SYNJ2: variants seen among roughly 807,000 people sequenced by gnomAD.
The protein encoded by SYNJ2 is synaptojanin 2, also known as polyphosphatidylinositol phosphatase SYNJ2.
A neutral mutation model predicts 141.3 loss-of-function variants in SYNJ2; 116 were observed. The observed-to-expected ratio is 0.82, with a 90% CI of 0.71 to 0.96. The LOEUF is 0.96. Ranked by LOEUF, SYNJ2 falls within the 40% of genes least tolerant of loss-of-function variation. The pLI is 0.00. For synonymous variants in SYNJ2, 745 were observed against 777.7 expected (o/e 0.96, Z 0.70); for missense variants, 1,873 against 1,934.8 (o/e 0.97, Z 0.60).
At position 158,069,597 on chromosome 6, in the gene SYNJ2, A is replaced by G; in HGVS notation, c.1864A>G (p.Ile622Val). ...AGCCATCTCACGCTCTCATAGATAC[A>G]TTCTGTTGACTTCGGCACAGCTGGT... ...QKAISRSHRY[I>V]LLTSAQLVGV... Residue 622 changes from isoleucine to valine, a missense_variant, in exon 14 of 27, where the codon ATT becomes GTT. Coordinates refer to ENST00000355585, the MANE Select transcript of SYNJ2 (RefSeq NM_003898.4). The G allele has an allele frequency of 6.2e-7, 1 of 1,614,046 alleles. No homozygotes were observed. Among genetic ancestry groups the G allele is most frequent in the Non-Finnish European group, 8.5e-7 (1 of 1,179,970 alleles).
At chr6:158,066,817 T>G in intron 12 of SYNJ2, 182 bp downstream of exon 12, 1 of 679,040 alleles carries the variant, frequency 1.5e-6, no homozygotes, top group Non-Finnish European at 2.5e-6. Context: ...ACTGACCTTT[T>G]TCCTTTCCCA....
At chr6:157,995,204 A>G (rs2128317194) in intron 1 of SYNJ2, among the ~76,000 whole-genome samples, 1 of 152,350 alleles carries the variant, frequency 6.6e-6, no homozygotes, top group South Asian at 2.1e-4. Context: ...CCAGACTTCT[A>G]GGGCCTTTGA....
chr6:158,058,559 A>G (rs1440121624), intron 6 of SYNJ2, among the ~76,000 whole-genome samples: 2 of 152,190 alleles, frequency 1.3e-5, no homozygotes, highest in Non-Finnish European at 2.9e-5. Context: ...CTCTCCTGCC[A>G]GTTGTTCTAG....
chr6:158,049,828 C>T (rs1036666794), intron 5 of SYNJ2, among the ~76,000 whole-genome samples: 3 of 89,256 alleles, frequency 3.4e-5, no homozygotes, highest in African/African-American at 8.9e-5. Context: ...CTGCAGGTGT[C>T]GACATGCCTC....
chr6:158,066,653 G>A lies in SYNJ2; in HGVS notation c.1717+18G>A. 1 of 1,610,966 alleles carries A rather than the reference G, an allele frequency of 6.2e-7. No individual in the cohort carries two copies. Among genetic ancestry groups the A allele is most frequent in the Non-Finnish European group, 8.5e-7 (1 of 1,179,378 alleles). On this transcript the variant is annotated intron_variant, in intron 12 of 26. Coordinates refer to ENST00000355585, the MANE Select transcript of SYNJ2 (RefSeq NM_003898.4). The stretch of plus-strand genomic sequence containing the variant: ...CTCCCAGGGTGAGGGCAGTGACTTT[G>A]GGGGAGACAAAATCCAATTGCACCT...
chr6:158,047,104 CA>C (rs1391461640), intron 5 of SYNJ2, among the ~76,000 whole-genome samples: 1 of 151,930 alleles, frequency 6.6e-6, no homozygotes, highest in Non-Finnish European at 1.5e-5. Context: ...TCCTTTTTTC[CA>C]AAAAGGACAT....
chr6:157,987,238 C>T (rs929637776), intron 1 of SYNJ2, among the ~76,000 whole-genome samples: 2 of 152,124 alleles, frequency 1.3e-5, no homozygotes, highest in African/African-American at 2.4e-5. Context: ...CCACCCGCTT[C>T]GGCCTCCCAA....
intron 8 of SYNJ2, 164 bp downstream of exon 8, chr6:158,062,328 G>C (rs1562370264): frequency 2.5e-6 from 2 of 811,680 alleles, no homozygotes; most frequent in Non-Finnish European, 1.5e-6. Flanking sequence ...TCCCCACTCA[G>C]TTACCCTTGT....
intron 1 of SYNJ2, among the ~76,000 whole-genome samples, chr6:157,985,344 C>A (rs1331910913): frequency 6.6e-6 from 1 of 152,234 alleles, no homozygotes; most frequent in African/African-American, 2.4e-5. Context: ...CAAATTCCTG[C>A]TTCTAAAAGA....
intron 4 of SYNJ2, among the ~76,000 whole-genome samples, chr6:158,039,269 A>G (rs991043735): frequency 6.6e-6 from 1 of 152,264 alleles, no homozygotes; most frequent in African/African-American, 2.4e-5. Context: ...CACAGTTAGT[A>G]TGCTCCTGCG....
chr6:158,034,516 T>C (rs1226274965), intron 4 of SYNJ2, among the ~76,000 whole-genome samples: 4 of 152,194 alleles, frequency 2.6e-5, no homozygotes, highest in Non-Finnish European at 5.9e-5. Context: ...ACCTTTACTG[T>C]GTGGGACTTT....
chr6:158,018,647 T>C (rs1396231516), intron 2 of SYNJ2, among the ~76,000 whole-genome samples: 2 of 152,250 alleles, frequency 1.3e-5, no homozygotes, highest in East Asian at 1.9e-4. Flanking sequence ...AGTACCCACA[T>C]GACAAAGTGC....
Position 157,982,785 on chromosome 6 carries a change from A to G in SYNJ2, c.127+697A>G, listed in dbSNP as rs899880228. Among the ~76,000 whole-genome samples, 16 of 152,250 alleles carry G rather than the reference A, an allele frequency of 1.1e-4. No individual in the cohort carries two copies. The highest frequency in any genetic ancestry group is 3.6e-4 in the African/African-American group (15 of 41,470). ...AAAGCTATTATTATCCCCATTTTGC[A>G]GATGAGCAAACTGAGGCCTAAAGAG... On this transcript the variant is annotated intron_variant, in intron 1 of 26. Coordinates refer to ENST00000355585, the MANE Select transcript of SYNJ2 (RefSeq NM_003898.4). This position sits in a 1 kb window ranked among gnomAD's most constrained non-coding sequence, Gnocchi z 4.0.
In SYNJ2 at chr6:158,040,305, TATGTGTGCA is replaced by T. The variant is rs1392599693; in HGVS notation, c.712-3010_712-3002del. Among the ~76,000 whole-genome samples the T allele has an allele frequency of 1.3e-5, 2 of 152,122 alleles. No homozygotes were observed. Among genetic ancestry groups the T allele is most frequent in the Non-Finnish European group, 2.9e-5 (2 of 68,026 alleles). On this transcript the variant is annotated intron_variant, in intron 4 of 26. Coordinates refer to ENST00000355585, the MANE Select transcript of SYNJ2 (RefSeq NM_003898.4). This position sits in a 1 kb window ranked among gnomAD's most constrained non-coding sequence, Gnocchi z 4.2. ...GTGCCTTGTGTTTGTTTTTCATGTG[TATGTGTGCA>T]GTGTGTGCATTTATGTGTTGTATAC...
intron 4 of SYNJ2, among the ~76,000 whole-genome samples, chr6:158,039,524 A>T (rs1486927709): frequency 3.9e-5 from 6 of 152,226 alleles, no homozygotes. Flanking sequence ...GGAGCCTGGC[A>T]CTTCCTACCC....
chr6:158,087,679 G>C (rs1783146576), intron 23 of SYNJ2, among the ~76,000 whole-genome samples: 1 of 152,102 alleles, frequency 6.6e-6, no homozygotes, highest in Admixed American at 6.6e-5. Context: ...CGTCACGGTA[G>C]TAACCAATGG....
chr6:158,084,078 G>T lies in SYNJ2; in HGVS notation c.3112G>T (p.Gly1038Ter). The T allele has an allele frequency of 1.2e-6, 2 of 1,614,148 alleles. No homozygotes were observed. The highest frequency in any genetic ancestry group is 1.7e-6 in the Non-Finnish European group (2 of 1,180,010). The change falls in exon 22 of 27, where the codon GGA becomes TGA. Residue 1038 changes from glycine to a stop codon, truncating the protein, a stop_gained. Transcript: ENST00000355585. LOFTEE classifies it high-confidence loss of function. This position sits in a 1 kb window ranked among gnomAD's most constrained non-coding sequence, Gnocchi z 5.0. ...QPGVSDSELGGDDLSDVPGPT... is the reference protein window; with the variant it reads ...QPGVSDSELG ...TGGAGTCTCGGACAGTGAACTCGGG[G>T]GAGACGACCTCTCTGATGTCCCCGG...
At chr6:158,065,650 A>T (rs534058987) in intron 11 of SYNJ2, among the ~76,000 whole-genome samples, 144 of 152,352 alleles carry the variant, frequency 9.5e-4, no homozygotes, top group Admixed American at 1.6e-3. Context: ...TTTTTGAAAA[A>T]TGAACTAGCC....
intron 8 of SYNJ2, 57 bp downstream of exon 8, chr6:158,062,221 G>A (rs1018128108): frequency 3.2e-5 from 51 of 1,585,456 alleles, no homozygotes; most frequent in Non-Finnish European, 3.9e-5. Flanking sequence ...GTCAGTCCAC[G>A]GTGAGGCTCG....
Sources: allele counts gnomAD v4.1 joint callset (sites outside exome capture counted in the v4.1 genomes callset), GRCh38; gene constraint gnomAD v4.1.1; non-coding constraint Gnocchi (gnomAD v3.1); transcripts MANE v1.5; gene names NCBI Gene and HGNC (gene_info 2026-07-23, HGNC 2026-07-21).